Variants in GMDS observed in about 807,000 individuals in gnomAD.
The protein encoded by GMDS is GDP-mannose 4,6 dehydratase.
A neutral mutation model predicts 49.9 loss-of-function variants in GMDS; 20 were observed. That is an observed-to-expected ratio of 0.40 (90% CI 0.28 to 0.58). The LOEUF (loss-of-function observed/expected upper bound fraction) is 0.58, where lower values mean the gene tolerates loss of function less well. GMDS is among the 20% of genes least tolerant of loss of function. GMDS has a pLI of 0.42. For missense variants in GMDS, 362 were observed against 481.4 expected, an observed-to-expected ratio of 0.75 and a Z score of 2.32; for synonymous variants, 177 against 178.6, an observed-to-expected ratio of 0.99 and a Z score of 0.07.
chr6:1,963,422 T>C (rs1202347201), intron 4 of GMDS, among the ~76,000 whole-genome samples: 1 of 152,198 alleles, frequency 6.6e-6, no homozygotes, highest in Non-Finnish European at 1.5e-5. Context: ...TTTCTTTTGT[T>C]GTGTGTGCTT....
intron 1 of GMDS, among the ~76,000 whole-genome samples, chr6:2,212,707 TAAAAA>T (rs35503764): frequency 5.8e-4 from 66 of 113,582 alleles, no homozygotes; most frequent in East Asian, 3.1e-3. Context: ...GATTAACTTG[TAAAAA>T]AAAAAAAAAA....
chr6:2,142,583 C>A (rs1776356345), intron 1 of GMDS, among the ~76,000 whole-genome samples: 1 of 152,118 alleles, frequency 6.6e-6, no homozygotes, highest in East Asian at 1.9e-4. Context: ...TCCCTCACAG[C>A]CCTCAGAAGG....
At chr6:1,950,422 C>T (rs1198963073) in intron 6 of GMDS, among the ~76,000 whole-genome samples, 2 of 152,114 alleles carry the variant, frequency 1.3e-5, no homozygotes, top group Non-Finnish European at 2.9e-5. Context: ...ATTTTGGAGG[C>T]TTGGGAGGGT....
chr6:1,956,476 G>C (rs1419340127), intron 6 of GMDS, among the ~76,000 whole-genome samples: 2 of 152,142 alleles, frequency 1.3e-5, no homozygotes, highest in African/African-American at 4.8e-5. Context: ...TGCAGTGAGA[G>C]GGCACCTTTG....
At position 2,196,956 on chromosome 6, in the gene GMDS, C is replaced by T. The variant is rs78072367; in HGVS notation, c.102+48365G>A. Among the ~76,000 whole-genome samples the T allele has an allele frequency of 4.5e-3, 692 of 152,216 alleles. 8 individuals are homozygous for T. Among genetic ancestry groups the T allele is most frequent in the African/African-American group, 0.016 (646 of 41,530 alleles). On this transcript the variant is annotated intron_variant, in intron 1 of 10. Transcript: ENST00000380815. ...ATGGTGGTGATGACTTGATTCTAAA[C>T]GGATACTTGTCAAAAAGCCAGTGAA... is the stretch of plus-strand genomic sequence containing the variant.
chr6:1,952,849 ATACGCTG>A (rs997835848), intron 6 of GMDS, among the ~76,000 whole-genome samples: 1 of 152,066 alleles, frequency 6.6e-6, no homozygotes, highest in Non-Finnish European at 1.5e-5. Flanking sequence ...AATGGAAGAA[ATACGCTG>A]TCAACAGGGA....
chr6:1,864,182 T>C (rs1473191351), intron 7 of GMDS, among the ~76,000 whole-genome samples: 1 of 152,186 alleles, frequency 6.6e-6, no homozygotes, highest in Non-Finnish European at 1.5e-5. Context: ...TTAGCATTAC[T>C]ACATAAAATG....
At chr6:2,032,671 C>T (rs1232560800) in intron 4 of GMDS, among the ~76,000 whole-genome samples, 1 of 152,188 alleles carries the variant, frequency 6.6e-6, no homozygotes, top group East Asian at 1.9e-4. Flanking sequence ...TAGAGAGAGG[C>T]ATAAAACAAA....
chr6:1,746,850 C>T (rs532337957), intron 7 of GMDS, among the ~76,000 whole-genome samples: 4 of 152,040 alleles, frequency 2.6e-5, no homozygotes, highest in African/African-American at 7.2e-5. Flanking sequence ...TATAGTTGTG[C>T]GCCACCATAC....
intron 1 of GMDS, among the ~76,000 whole-genome samples, chr6:2,134,121 T>C (rs555345100): frequency 2.0e-5 from 3 of 152,320 alleles, no homozygotes; most frequent in South Asian, 2.1e-4. Flanking sequence ...TGTCTTCCAG[T>C]GTCACTGCCT....
intron 7 of GMDS, among the ~76,000 whole-genome samples, chr6:1,794,478 A>T (rs964653801): frequency 3.3e-5 from 5 of 152,234 alleles, no homozygotes; most frequent in South Asian, 2.1e-4. Flanking sequence ...GGTCGAAACC[A>T]TGGAATGTTC....
intron 8 of GMDS, among the ~76,000 whole-genome samples, chr6:1,734,690 G>A (rs1489099490): frequency 6.6e-6 from 1 of 152,218 alleles, no homozygotes; most frequent in African/African-American, 2.4e-5. Flanking sequence ...TACTTCCCTT[G>A]CTTTCTTCTT....
rs186095065 is a variant in GMDS at position 1,671,167 on chromosome 6, C to T, written c.988-46627G>A. Reference sequence around the variant, plus strand: ...TGTAACTGCTCCAAGTGTCAATCAGCGGCACTGAGCTTAGCTTTCTCGGCA... The same window carrying T: ...TGTAACTGCTCCAAGTGTCAATCAGTGGCACTGAGCTTAGCTTTCTCGGCA... On this transcript the variant is annotated intron_variant, in intron 9 of 10. Coordinates refer to ENST00000380815, the MANE Select transcript of GMDS (RefSeq NM_001500.4). Among the ~76,000 whole-genome samples, 22 of 152,282 alleles carry T rather than the reference C, an allele frequency of 1.4e-4. 1 individual carries two copies. In the East Asian group the frequency reaches 2.3e-3, roughly 16 times the overall value.
chr6:1,910,196 G>A (rs1031415901), intron 7 of GMDS, among the ~76,000 whole-genome samples: 1 of 150,606 alleles, frequency 6.6e-6, no homozygotes, highest in Non-Finnish European at 1.5e-5. Context: ...TGGCATGCAT[G>A]TATAGCTTGA....
intron 7 of GMDS, among the ~76,000 whole-genome samples, chr6:1,912,052 A>G (rs1761089016): frequency 6.6e-6 from 1 of 152,146 alleles, no homozygotes; most frequent in African/African-American, 2.4e-5. Flanking sequence ...TTTAGAATCG[A>G]CCATTTCTGA....
At chr6:1,714,144 A>G (rs562594075) in intron 9 of GMDS, among the ~76,000 whole-genome samples, 1 of 152,210 alleles carries the variant, frequency 6.6e-6, no homozygotes, top group South Asian at 2.1e-4. Flanking sequence ...CAGCCTCCCA[A>G]GTAGCTGGGA....
intron 4 of GMDS, among the ~76,000 whole-genome samples, chr6:2,000,554 C>G (rs183601250): frequency 1.3e-5 from 2 of 152,136 alleles, no homozygotes; most frequent in Admixed American, 6.5e-5. Flanking sequence ...CTACCTCTTT[C>G]GATTAGCATA....
chr6:1,642,420 C>T (rs1036167544), intron 9 of GMDS, among the ~76,000 whole-genome samples: 6 of 152,114 alleles, frequency 3.9e-5, no homozygotes, highest in Admixed American at 6.5e-5. Flanking sequence ...CGGCCCACCT[C>T]GGCCTCCCAA....
chr6:1,838,952 G>A (rs1170208299), intron 7 of GMDS, among the ~76,000 whole-genome samples: 1 of 152,198 alleles, frequency 6.6e-6, no homozygotes, highest in African/African-American at 2.4e-5. Flanking sequence ...CCCATGTAAG[G>A]ATGCTGAACT....
Sources: allele counts gnomAD v4.1 joint callset (sites outside exome capture counted in the v4.1 genomes callset), GRCh38; gene constraint gnomAD v4.1.1; transcripts MANE v1.5; gene names NCBI Gene and HGNC (gene_info 2026-07-23, HGNC 2026-07-21).